The following PKP4 variants were observed in gnomAD, a reference collection of about 807,000 sequenced individuals.
The protein encoded by PKP4 is plakophilin-4.
In PKP4, 90 loss-of-function variants were observed where a neutral mutation model predicts 145.1. That is an observed-to-expected ratio of 0.62 (90% CI 0.52 to 0.74). The LOEUF (loss-of-function observed/expected upper bound fraction) is 0.74. Among genes scored for constraint, PKP4 ranks in the 30% least tolerant of loss-of-function variants. PKP4 has a pLI of 0.00. For synonymous variants in PKP4, 563 were observed against 577.2 expected, an observed-to-expected ratio of 0.98 and a Z score of 0.35; for missense variants, 1,340 against 1,482.7, an observed-to-expected ratio of 0.90 and a Z score of 1.58.
rs539379366 is a variant in PKP4, at chr2:158,619,729, A to T, written c.281-1261A>T. On this transcript the variant is annotated intron_variant, in intron 4 of 21. Coordinates refer to ENST00000389759, the MANE Select transcript of PKP4 (RefSeq NM_003628.6). ...TTCAACAAATATTTACTGAGCACCT[A>T]CTGAGTACTCTGCACCATCCTAGAC... Among the ~76,000 whole-genome samples the T allele has an allele frequency of 7.2e-5, 11 of 152,308 alleles. No homozygotes were observed. The South Asian group carries it at 2.1e-3, about 29-fold the overall frequency.
intron 1 of PKP4, among the ~76,000 whole-genome samples, chr2:158,491,807 T>G (rs1264217052): frequency 1.3e-5 from 2 of 152,088 alleles, no homozygotes; most frequent in Non-Finnish European, 2.9e-5. Context: ...TTTTAATTTT[T>G]ATTTTTGAGA....
chr2:158,545,072 A>G (rs761536171), intron 2 of PKP4, among the ~76,000 whole-genome samples: 22 of 35,702 alleles, frequency 6.2e-4, no homozygotes, highest in Non-Finnish European at 7.0e-4. Context: ...TAAGTCTTTC[A>G]CTTTTTTTTT....
intron 3 of PKP4, among the ~76,000 whole-genome samples, chr2:158,580,112 A>G (rs1040401486): frequency 6.6e-6 from 1 of 152,194 alleles, no homozygotes; most frequent in African/African-American, 2.4e-5. Flanking sequence ...TAAATGAGGG[A>G]GTGGTTGATA....
chr2:158,533,206 T>C lies in PKP4; in HGVS notation c.22T>C (p.Ser8Pro), dbSNP rs2043729744. The change falls in exon 2 of 22, where the codon TCA becomes CCA. Residue 8 changes from serine (S) to proline (P), a missense_variant. Coordinates refer to ENST00000389759, the MANE Select transcript of PKP4 (RefSeq NM_003628.6). Reference protein sequence around the residue: MPAPEQASLVEEGQPQTR... With the variant: MPAPEQAPLVEEGQPQTR... ...AGGAATGCCAGCTCCTGAGCAGGCCTCATTGGTGGAGGAGGGGCAACCACA... is the reference window on the plus strand; with the variant it reads ...AGGAATGCCAGCTCCTGAGCAGGCCCCATTGGTGGAGGAGGGGCAACCACA... 6.2e-7 allele frequency: 1 copy of C among 1,613,336 alleles called. No homozygotes were observed. The highest frequency in any genetic ancestry group is 1.7e-5 in the Admixed American group (1 of 59,954).
In PKP4 at chr2:158,634,278, G is replaced by A; in HGVS notation, c.1551G>A (p.Gln517=). 1 of 1,613,864 alleles carries A rather than the reference G, an allele frequency of 6.2e-7. No individual in the cohort carries two copies. The highest frequency in any genetic ancestry group is 8.5e-7 in the Non-Finnish European group (1 of 1,179,884). Residue 517 remains glutamine, a synonymous_variant, in exon 9 of 22, where the codon CAG becomes CAA. Transcript: ENST00000389759. ...TTRSPSIDSI[Q]KDPREFAWRD... ...GATCCCCATCAATAGACAGCATTCA[G>A]AAGGACCCCAGGCGAGTACCAGTTA...
At chr2:158,678,524 C>T (rs547004546) in intron 20 of PKP4, 57 bp from the exon 21 acceptor site, 4 of 1,243,408 alleles carry the variant, frequency 3.2e-6, no homozygotes, top group East Asian at 2.3e-5. Flanking sequence ...GACCACCCAG[C>T]CTAATGGACC....
chr2:158,510,416 A>G (rs1343467564), intron 1 of PKP4, among the ~76,000 whole-genome samples: 1 of 152,220 alleles, frequency 6.6e-6, no homozygotes, highest in East Asian at 1.9e-4. Flanking sequence ...ATCTAAAAAG[A>G]TGTGGGAGCA....
chr2:158,610,324 A>G (rs2051027750), intron 4 of PKP4, among the ~76,000 whole-genome samples: 1 of 152,166 alleles, frequency 6.6e-6, no homozygotes, highest in Non-Finnish European at 1.5e-5. Context: ...GAAATATACA[A>G]TCTCTGTGTG....
intron 2 of PKP4, among the ~76,000 whole-genome samples, chr2:158,536,051 T>C (rs753992926): frequency 6.6e-6 from 1 of 152,190 alleles, no homozygotes; most frequent in Non-Finnish European, 1.5e-5. Flanking sequence ...ATTACGATTG[T>C]CATCATCATT....
At chr2:158,537,339 A>G (rs557929524) in intron 2 of PKP4, among the ~76,000 whole-genome samples, 5 of 152,334 alleles carry the variant, frequency 3.3e-5, no homozygotes, top group African/African-American at 9.6e-5. Flanking sequence ...CGTCTGTCCA[A>G]TTTAGTCGAA....
chr2:158,531,842 T>G (rs1044854798), intron 1 of PKP4, among the ~76,000 whole-genome samples: 1 of 152,192 alleles, frequency 6.6e-6, no homozygotes, highest in Non-Finnish European at 1.5e-5. Context: ...GAGAATTCAC[T>G]TGCTAGATAG....
chr2:158,603,339 C>T (rs184430814), intron 4 of PKP4, among the ~76,000 whole-genome samples: 3 of 152,246 alleles, frequency 2.0e-5, no homozygotes, highest in African/African-American at 4.8e-5. Context: ...TTAATATTAA[C>T]CCCATATCTG....
intron 1 of PKP4, among the ~76,000 whole-genome samples, chr2:158,530,261 T>C (rs959343570): frequency 6.6e-6 from 1 of 152,200 alleles, no homozygotes; most frequent in Admixed American, 6.5e-5. Context: ...TCTAGCTCTG[T>C]AGTTTGTAAT....
chr2:158,661,214 C>T, intron 12 of PKP4, 119 bp from the exon 13 acceptor site: 1 of 691,720 alleles, frequency 1.4e-6, no homozygotes, highest in South Asian at 1.7e-5. Context: ...CCAGTGCCTC[C>T]TCCGACCTCT....
intron 20 of PKP4, chr2:158,677,432 A>C: frequency 5.7e-6 from 1 of 175,578 alleles, no homozygotes. Context: ...TATCCTATTC[A>C]GAAAGCTGTG....
chr2:158,522,784 C>T (rs1172500861), intron 1 of PKP4, among the ~76,000 whole-genome samples: 2 of 152,142 alleles, frequency 1.3e-5, no homozygotes, highest in East Asian at 1.9e-4. Context: ...GCACCGTGCG[C>T]GAGCCAAAGC....
At chr2:158,596,332 C>G (rs904494484) in intron 3 of PKP4, among the ~76,000 whole-genome samples, 7 of 152,022 alleles carry the variant, frequency 4.6e-5, no homozygotes, top group African/African-American at 7.2e-5. Flanking sequence ...TTTTTAAACT[C>G]TAATTCAATA....
At chr2:158,522,950 C>T (rs541344451) in intron 1 of PKP4, among the ~76,000 whole-genome samples, 292 of 152,306 alleles carry the variant, frequency 1.9e-3, no homozygotes, top group Non-Finnish European at 3.2e-3. Flanking sequence ...CACCACCAGA[C>T]TATATCCCAC....
intron 1 of PKP4, among the ~76,000 whole-genome samples, chr2:158,507,116 A>G (rs2041055196): frequency 6.6e-6 from 1 of 152,224 alleles, no homozygotes; most frequent in Non-Finnish European, 1.5e-5. Context: ...CCAAGATGAC[A>G]TTTCCATTAC....
Sources: allele counts gnomAD v4.1 joint callset (sites outside exome capture counted in the v4.1 genomes callset), GRCh38; gene constraint gnomAD v4.1.1; transcripts MANE v1.5; gene names NCBI Gene and HGNC (gene_info 2026-07-23, HGNC 2026-07-21).